CLGN: variants seen among roughly 807,000 people sequenced by gnomAD.
CLGN encodes testis tissue sperm-binding protein Li 79P.
Under a neutral mutation model 79.1 loss-of-function variants are expected in CLGN, and 62 were observed. The observed-to-expected ratio is 0.78, with a 90% CI of 0.64 to 0.97. The LOEUF is 0.97. CLGN is among the 50% of genes least tolerant of loss of function. The pLI, the probability that CLGN is intolerant of heterozygous loss-of-function variation, is 0.00. For synonymous variants in CLGN, 225 were observed against 224.7 expected, an observed-to-expected ratio of 1.00 and a Z score of -0.01; for missense variants, 647 against 715.5, an observed-to-expected ratio of 0.90 and a Z score of 1.09.
intron 1 of CLGN, among the ~76,000 whole-genome samples, chr4:140,425,628 T>C (rs1729552697): frequency 7.8e-6 from 1 of 128,930 alleles, no homozygotes; most frequent in Admixed American, 7.6e-5. Flanking sequence ...ATTCCTTTTT[T>C]TTTTTTTTTT....
At chr4:140,390,510 C>T in intron 14 of CLGN, 118 bp downstream of exon 14, 1 of 556,898 alleles carries the variant, frequency 1.8e-6, no homozygotes, top group Non-Finnish European at 3.1e-6. Flanking sequence ...TATAGAGGCT[C>T]TTATAAAAGC....
At chr4:140,402,523 T>C (rs1578597918) in intron 5 of CLGN, among the ~76,000 whole-genome samples, 1 of 152,262 alleles carries the variant, frequency 6.6e-6, no homozygotes, top group Admixed American at 6.5e-5. Flanking sequence ...CATTACACCT[T>C]ACCATGTTAA....
chr4:140,392,613 A>T lies in CLGN; in HGVS notation c.1464T>A (p.Thr488=). 1 of 1,601,252 alleles carries T rather than the reference A, an allele frequency of 6.2e-7. No homozygotes were observed. The highest frequency in any genetic ancestry group is 1.1e-5 in the South Asian group (1 of 87,570). ...VTAGVPIALI[T]SFCWPRKVKK... ...TTACTTTTCTTGGCCAACAAAATGAAGTAATTAATGCTATTGGCACTCCTG... is the reference window on the plus strand; with the variant it reads ...TTACTTTTCTTGGCCAACAAAATGATGTAATTAATGCTATTGGCACTCCTG... Residue 488 remains threonine (T), a synonymous_variant, in exon 12 of 15, where the codon ACT becomes ACA. Transcript: ENST00000325617.
chr4:140,396,766 C>T (rs1261328297), intron 8 of CLGN, among the ~76,000 whole-genome samples: 1 of 150,428 alleles, frequency 6.6e-6, no homozygotes, highest in Non-Finnish European at 1.5e-5. Context: ...CTATGTTGGC[C>T]AGGTTGGTCT....
In CLGN at chr4:140,398,822, A is replaced by G. The variant is rs762348731; in HGVS notation, c.884+29T>C. ...GTTTCATTACCTAGTTATGCCAGAT[A>G]ATGCTTTGCTACCGAATTATTTGCT... On this transcript the variant is annotated intron_variant, in intron 8 of 14. Coordinates refer to ENST00000325617, the MANE Select transcript of CLGN (RefSeq NM_004362.3). 2.5e-6 allele frequency: 4 copies of G among 1,597,256 alleles called. No homozygotes were observed. In the South Asian group the frequency reaches 3.3e-5, roughly 13 times the overall value.
intron 1 of CLGN, among the ~76,000 whole-genome samples, chr4:140,416,933 T>C (rs1308702421): frequency 6.6e-6 from 1 of 152,034 alleles, no homozygotes; most frequent in Non-Finnish European, 1.5e-5. Context: ...TTGATGAACA[T>C]TGATGCAAAA....
At chr4:140,399,550 T>C (rs564849045) in intron 7 of CLGN, among the ~76,000 whole-genome samples, 58 of 152,372 alleles carry the variant, frequency 3.8e-4, no homozygotes, top group Non-Finnish European at 6.8e-4. Context: ...GAAGATGAAA[T>C]GGGCATTGCC....
intron 1 of CLGN, among the ~76,000 whole-genome samples, chr4:140,421,008 T>G (rs1257566848): frequency 6.6e-6 from 1 of 152,128 alleles, no homozygotes; most frequent in Non-Finnish European, 1.5e-5. Flanking sequence ...TCTATCTCTA[T>G]GATTTTGACT....
At position 140,416,361 on chromosome 4, in the gene CLGN, C is replaced by T. The variant is rs1424692534; in HGVS notation, c.-9-3274G>A. Among the ~76,000 whole-genome samples the T allele has an allele frequency of 1.0e-3, 125 of 123,672 alleles. 2 individuals carry two copies. The highest frequency in any genetic ancestry group is 3.7e-3 in the African/African-American group (117 of 31,786). 81.1% of individuals were successfully genotyped at this position (123,672 alleles called of 152,430 possible). Reference sequence around the variant, plus strand: ...AGAAATAACTAAAATCAGAGCAGAACTGAAGGAAATAGAGACACAAAAAAC... The same window carrying T: ...AGAAATAACTAAAATCAGAGCAGAATTGAAGGAAATAGAGACACAAAAAAC... On this transcript the variant is annotated intron_variant, in intron 1 of 14. Transcript: ENST00000325617.
Position 140,392,338 on chromosome 4 carries a change from C to T in CLGN, c.1532G>A (p.Cys511Tyr), listed in dbSNP as rs1169965912. Residue 511 changes from cysteine (C) to tyrosine (Y), a missense_variant, in exon 13 of 15, where the codon TGT (cysteine) becomes TAT (tyrosine). By Grantham distance (194) the Cys-to-Tyr change is radical. Transcript: ENST00000325617. ...KDTEYKKTDI[C>Y]IPQTKGVLEQ... ...TAGTACTCCTTTTGTTTGTGGTATACATATGTCGGTTTTTTTATACTCTGT... is the reference window on the plus strand; with the variant it reads ...TAGTACTCCTTTTGTTTGTGGTATATATATGTCGGTTTTTTTATACTCTGT... The T allele has an allele frequency of 2.5e-6, 4 of 1,610,230 alleles. No individual in the cohort carries two copies. Among genetic ancestry groups the T allele is most frequent in the East Asian group, 4.5e-5 (2 of 44,790 alleles).
intron 1 of CLGN, among the ~76,000 whole-genome samples, chr4:140,415,625 G>A (rs1729312816): frequency 6.7e-6 from 1 of 150,350 alleles, no homozygotes; most frequent in Admixed American, 6.6e-5. Flanking sequence ...TAATGGTAAA[G>A]GGATCAATTC....
chr4:140,390,168 A>G (rs1728745587), intron 14 of CLGN, among the ~76,000 whole-genome samples: 1 of 151,834 alleles, frequency 6.6e-6, no homozygotes, highest in Non-Finnish European at 1.5e-5. Context: ...TTCACTAAAG[A>G]TTTGAGAAAA....
At chr4:140,411,471 C>T (rs1729209709) in intron 2 of CLGN, among the ~76,000 whole-genome samples, 1 of 151,954 alleles carries the variant, frequency 6.6e-6, no homozygotes, top group Admixed American at 6.5e-5. Context: ...AAAAATTTGC[C>T]TAAAGTAATA....
Position 140,395,914 on chromosome 4 carries a change from G to A in CLGN, c.1054C>T (p.Arg352Trp), listed in dbSNP as rs12513290. 142,774 of 1,604,532 alleles carry A rather than the reference G, an allele frequency of 0.089. 7,477 individuals are homozygous for A. Among genetic ancestry groups the A allele is most frequent in the East Asian group, 0.24 (10,565 of 44,820 alleles). ...EAPQILNPACRIGCGEWKPPM... is the reference protein window; with the variant it reads ...EAPQILNPACWIGCGEWKPPM... Reference sequence around the variant, plus strand: ...GGTTTCCACTCACCACACCCAATCCGACATGCTGGATTAAGAATCTGAGGT... The same window carrying A: ...GGTTTCCACTCACCACACCCAATCCAACATGCTGGATTAAGAATCTGAGGT... Residue 352 changes from arginine (R) to tryptophan (W), a missense_variant, in exon 10 of 15, where the codon CGG (arginine) becomes TGG (tryptophan). Arg to Trp is a moderately radical substitution (Grantham distance 101). Transcript: ENST00000325617.
At chr4:140,407,491 C>T (rs1729129637) in intron 4 of CLGN, among the ~76,000 whole-genome samples, 1 of 149,722 alleles carries the variant, frequency 6.7e-6, no homozygotes, top group Non-Finnish European at 1.5e-5. Context: ...TCTCAGCTTA[C>T]AAAATCAATG....
chr4:140,412,120 A>T (rs949705913), intron 2 of CLGN, among the ~76,000 whole-genome samples: 1 of 152,158 alleles, frequency 6.6e-6, no homozygotes, highest in African/African-American at 2.4e-5. Context: ...GCTTTAAAAA[A>T]AATTGTCCTT....
intron 4 of CLGN, among the ~76,000 whole-genome samples, chr4:140,408,263 G>T (rs1729145346): frequency 6.6e-6 from 1 of 152,120 alleles, no homozygotes; most frequent in Non-Finnish European, 1.5e-5. Flanking sequence ...CTAGACATTG[G>T]CTTAGGCAAA....
At position 140,410,609 on chromosome 4, in the gene CLGN, A is replaced by T. The variant is rs2126627913; in HGVS notation, c.162T>A (p.Pro54=). The T allele has an allele frequency of 6.3e-7, 1 of 1,593,612 alleles. No individual in the cohort carries two copies. Among genetic ancestry groups the T allele is most frequent in the Middle Eastern group, 1.7e-4 (1 of 6,000 alleles). The change falls in exon 3 of 15, where the codon CCT becomes CCA. Residue 54 remains proline, a synonymous_variant. Transcript: ENST00000325617. ...CAAAATATACTTCTCCTATAGGTTG[A>T]GGTGTCTTATATTTAATCTAGAAAA... The part of the protein sequence containing the change: ...ELSSEIKYKT[P]QPIGEVYFAE...
intron 4 of CLGN, among the ~76,000 whole-genome samples, chr4:140,406,419 G>A (rs1308670804): frequency 2.6e-5 from 4 of 152,100 alleles, no homozygotes; most frequent in Non-Finnish European, 4.4e-5. Context: ...TGTCTCAATA[G>A]GGTATGTCAA....
Sources: allele counts gnomAD v4.1 joint callset (sites outside exome capture counted in the v4.1 genomes callset), GRCh38; gene constraint gnomAD v4.1.1; transcripts MANE v1.5; gene names NCBI Gene and HGNC (gene_info 2026-07-23, HGNC 2026-07-21).